CNTNAP5: variants seen among roughly 807,000 people sequenced by gnomAD.
The protein encoded by CNTNAP5 is contactin-associated protein-like 5.
A neutral mutation model predicts 150.2 loss-of-function variants in CNTNAP5; 72 were observed. That is an observed-to-expected ratio of 0.48 (90% CI 0.40 to 0.58). The LOEUF (loss-of-function observed/expected upper bound fraction) is 0.58, where lower values mean the gene tolerates loss of function less well. CNTNAP5 is among the 20% of genes least tolerant of loss of function. CNTNAP5 has a pLI of 0.00. For synonymous variants in CNTNAP5, 672 were observed against 619.8 expected, an observed-to-expected ratio of 1.08 and a Z score of -1.25; for missense variants, 1,636 against 1,626.2, an observed-to-expected ratio of 1.01 and a Z score of -0.10.
intron 1 of CNTNAP5, among the ~76,000 whole-genome samples, chr2:124,065,448 T>TA (rs5834034): frequency 0.29 from 43,435 of 151,896 alleles, 6,587 homozygotes; most frequent in Admixed American, 0.36. Context: ...TCTGTGGGTA[T>TA]AAAAAACCCC....
intron 3 of CNTNAP5, among the ~76,000 whole-genome samples, chr2:124,330,469 G>A (rs534760516): frequency 3.3e-5 from 5 of 152,218 alleles, no homozygotes; most frequent in Admixed American, 6.5e-5. Flanking sequence ...ATGGAGTCAT[G>A]GGGGTGGTTT....
At position 124,912,933 on chromosome 2, in the gene CNTNAP5, T is replaced by C. The variant is rs567639632; in HGVS notation, c.3728-1159T>C. 8.5e-5 allele frequency among the ~76,000 whole-genome samples: 13 copies of C among 152,186 alleles called. No individual in the cohort carries two copies. In the South Asian group the frequency reaches 2.5e-3, roughly 29 times the overall value. On this transcript the variant is annotated intron_variant, in intron 23 of 23. Coordinates refer to ENST00000682447, the MANE Select transcript of CNTNAP5 (RefSeq NM_001367498.1). ...CCACCCAGTTTATTCATAGACTTGC[T>C]AACTTAGATGATTTTACTCTTACTT...
At chr2:124,186,576 A>T (rs912902788) in intron 1 of CNTNAP5, among the ~76,000 whole-genome samples, 1 of 152,182 alleles carries the variant, frequency 6.6e-6, no homozygotes, top group African/African-American at 2.4e-5. Flanking sequence ...TATAACATCA[A>T]ATTTAATATT....
chr2:124,548,078 T>A (rs1247690290), intron 10 of CNTNAP5, among the ~76,000 whole-genome samples: 1 of 152,212 alleles, frequency 6.6e-6, no homozygotes, highest in Non-Finnish European at 1.5e-5. Context: ...AATCTTAAGT[T>A]AGATGATGAA....
intron 14 of CNTNAP5, among the ~76,000 whole-genome samples, chr2:124,756,980 G>T (rs1393758440): frequency 6.6e-6 from 1 of 152,122 alleles, no homozygotes; most frequent in Non-Finnish European, 1.5e-5. Context: ...AAGTATAAAT[G>T]CATGTATGCA....
chr2:124,911,458 T>C lies in CNTNAP5; in HGVS notation c.3656-9T>C, dbSNP rs958917164. 6.3e-7 allele frequency: 1 copy of C among 1,584,600 alleles called. No homozygotes were observed. The highest frequency in any genetic ancestry group is 8.6e-7 in the Non-Finnish European group (1 of 1,163,110). The stretch of plus-strand genomic sequence containing the variant: ...AGAAGTAAAGTCCCATGTCTTTTAC[T>C]CCTTTCAGATCCTTTTGGGAAGACA... On this transcript the variant is annotated splice_polypyrimidine_tract_variant and intron_variant, in intron 22 of 23. Transcript: ENST00000682447.
At chr2:124,807,816 G>A (rs780114335) in intron 19 of CNTNAP5, among the ~76,000 whole-genome samples, 3 of 152,208 alleles carry the variant, frequency 2.0e-5, no homozygotes, top group South Asian at 2.1e-4. Flanking sequence ...CCACCACCAC[G>A]TCTTGCTTGT....
intron 11 of CNTNAP5, among the ~76,000 whole-genome samples, chr2:124,594,330 G>C (rs1249968499): frequency 6.7e-6 from 1 of 149,590 alleles, no homozygotes; most frequent in Non-Finnish European, 1.5e-5. Flanking sequence ...GTAAGGAAGG[G>C]ATCCAGTTTC....
At chr2:124,397,848 G>A (rs1196125468) in intron 3 of CNTNAP5, among the ~76,000 whole-genome samples, 1 of 151,768 alleles carries the variant, frequency 6.6e-6, no homozygotes, top group East Asian at 2.0e-4. Context: ...ACTTCTCAAG[G>A]GGATCTAGGG....
At position 124,888,349 on chromosome 2, in the gene CNTNAP5, G is replaced by A. The variant is rs572894664; in HGVS notation, c.3437-14533G>A. 5.3e-4 allele frequency among the ~76,000 whole-genome samples: 80 copies of A among 152,156 alleles called. 1 individual carries two copies. Among genetic ancestry groups the A allele is most frequent in the Admixed American group, 2.5e-3 (38 of 15,276 alleles). Reference sequence around the variant, plus strand: ...ACATTTTCCCTTTCCATCCACCATCGATGGACATGTAGTTCGATTCCATGT... The same window carrying A: ...ACATTTTCCCTTTCCATCCACCATCAATGGACATGTAGTTCGATTCCATGT... On this transcript the variant is annotated intron_variant, in intron 21 of 23. Transcript: ENST00000682447.
chr2:124,295,944 A>T (rs1688418704), intron 3 of CNTNAP5, among the ~76,000 whole-genome samples: 1 of 152,226 alleles, frequency 6.6e-6, no homozygotes, highest in Non-Finnish European at 1.5e-5. Flanking sequence ...TTAGGAAATT[A>T]ATAATAACAA....
chr2:124,045,943 G>A (rs996242776), intron 1 of CNTNAP5, among the ~76,000 whole-genome samples: 7 of 152,068 alleles, frequency 4.6e-5, no homozygotes, highest in African/African-American at 7.2e-5. Context: ...ATCACTGTGT[G>A]TATATCTGCA....
At chr2:124,479,275 T>C (rs572278228) in intron 7 of CNTNAP5, among the ~76,000 whole-genome samples, 260 of 152,316 alleles carry the variant, frequency 1.7e-3, no homozygotes, top group Non-Finnish European at 2.2e-3. Context: ...GATAGTTTCC[T>C]GAAAATGATT....
chr2:124,867,257 G>A (rs867144481), intron 20 of CNTNAP5, among the ~76,000 whole-genome samples: 2 of 152,170 alleles, frequency 1.3e-5, no homozygotes, highest in Non-Finnish European at 2.9e-5. Context: ...TGGGTAAAGA[G>A]AGGAAACCTT....
chr2:124,234,490 A>G (rs775407396), intron 2 of CNTNAP5, among the ~76,000 whole-genome samples: 94 of 152,204 alleles, frequency 6.2e-4, no homozygotes, highest in Non-Finnish European at 1.2e-3. Flanking sequence ...AATATTCACT[A>G]CCATATTGAA....
intron 1 of CNTNAP5, among the ~76,000 whole-genome samples, chr2:124,215,778 T>C (rs1239270570): frequency 3.4e-5 from 5 of 147,620 alleles, no homozygotes; most frequent in Non-Finnish European, 6.0e-5. Context: ...CTACTCTTCA[T>C]CAATGTTTTT....
At chr2:124,388,687 T>C (rs1019794053) in intron 3 of CNTNAP5, among the ~76,000 whole-genome samples, 5 of 152,144 alleles carry the variant, frequency 3.3e-5, no homozygotes, top group South Asian at 2.1e-4. Context: ...CGGGGCCTTT[T>C]TTTTCTTTTC....
chr2:124,098,046 G>T (rs1181607971), intron 1 of CNTNAP5, among the ~76,000 whole-genome samples: 1 of 151,730 alleles, frequency 6.6e-6, no homozygotes, highest in African/African-American at 2.4e-5. Flanking sequence ...TAAATAAATA[G>T]ATAAAAAAAC....
rs544915504 is a variant in CNTNAP5, at chr2:124,533,088, C to T, written c.1649+5632C>T. On this transcript the variant is annotated intron_variant, in intron 10 of 23. Transcript: ENST00000682447. ...TGACCCCCCTTGGACTTTGGTCCCA[C>T]TTTTTCAGAAGACCTGCCATGGCCC... Among the ~76,000 whole-genome samples the T allele has an allele frequency of 4.6e-5, 7 of 151,994 alleles. No homozygotes were observed. The South Asian group carries it at 1.5e-3, about 32-fold the overall frequency.
Sources: gnomAD v4.1 joint callset for allele counts (sites outside exome capture counted in the v4.1 genomes callset) on GRCh38, gnomAD v4.1.1 for gene constraint, MANE v1.5 for transcripts, NCBI Gene and HGNC (gene_info 2026-07-23, HGNC 2026-07-21) for gene names.